TBL1X: variants seen among roughly 807,000 people sequenced by gnomAD.
TBL1X encodes the protein transducin beta like 1 X-linked.
Under a neutral mutation model 50.7 loss-of-function variants are expected in TBL1X, and 10 were observed. That is an observed-to-expected ratio of 0.20 (90% confidence interval 0.12 to 0.33). The LOEUF (loss-of-function observed/expected upper bound fraction) is 0.33, where lower values mean the gene tolerates loss of function less well. Ranked by LOEUF, TBL1X falls within the 10% of genes least tolerant of loss-of-function variation. The pLI, the probability that TBL1X is intolerant of heterozygous loss-of-function variation, is 1.00. For synonymous variants in TBL1X, 190 were observed against 214.7 expected (o/e 0.88, Z 1.01); for missense variants, 340 against 504.4 (o/e 0.67, Z 3.12).
At chrX:9,653,764 G>T in intron 4 of TBL1X, 75 bp downstream of exon 4, 2 of 934,821 alleles carry the variant, frequency 2.1e-6, no homozygotes, top group South Asian at 2.3e-5. Flanking sequence ...GGGTGTACTC[G>T]GTCACCTCTC....
intron 2 of TBL1X, among the ~76,000 whole-genome samples, chrX:9,588,683 A>G (rs2082484005): frequency 9.3e-6 from 1 of 107,851 alleles, no homozygotes; most frequent in African/African-American, 3.4e-5. Flanking sequence ...GGCTCACTGC[A>G]ACCACCGCTT....
At chrX:9,543,562 C>CA (rs950793688) in intron 2 of TBL1X, among the ~76,000 whole-genome samples, 12 of 109,951 alleles carry the variant, frequency 1.1e-4, no homozygotes, top group African/African-American at 4.0e-4. Flanking sequence ...GCAGAGCTGT[C>CA]AGAGTGTGGC....
chrX:9,486,679 C>T (rs2081915030), intron 1 of TBL1X, among the ~76,000 whole-genome samples: 1 of 106,213 alleles, frequency 9.4e-6, no homozygotes, highest in Non-Finnish European at 1.9e-5. Flanking sequence ...TATCTCATGT[C>T]TCCCTAAAAT....
intron 7 of TBL1X, among the ~76,000 whole-genome samples, chrX:9,688,896 C>T (rs191003874): frequency 2.6e-5 from 3 of 113,593 alleles, no homozygotes; most frequent in East Asian, 5.6e-4. Flanking sequence ...ACCGTGTGCG[C>T]GCATGCACTT....
At chrX:9,647,743 G>T (rs1245750088) in intron 3 of TBL1X, among the ~76,000 whole-genome samples, 1 of 111,798 alleles carries the variant, frequency 8.9e-6, no homozygotes, top group Non-Finnish European at 1.9e-5. Context: ...TCTGGTGGTA[G>T]TTCTTTTTGG....
intron 1 of TBL1X, among the ~76,000 whole-genome samples, chrX:9,498,659 A>G (rs1001339350): frequency 8.9e-6 from 1 of 112,569 alleles, no homozygotes; most frequent in African/African-American, 3.2e-5. Context: ...AAGTCTGCAG[A>G]GACCGCAGGA....
At chrX:9,595,646 C>T (rs1436764809) in intron 2 of TBL1X, among the ~76,000 whole-genome samples, 1 of 111,602 alleles carries the variant, frequency 9.0e-6, no homozygotes, top group African/African-American at 3.3e-5. Flanking sequence ...AGCTTGAATC[C>T]TTAGGGTGGA....
intron 2 of TBL1X, among the ~76,000 whole-genome samples, chrX:9,568,065 C>T (rs890189268): frequency 1.8e-5 from 2 of 112,002 alleles, no homozygotes; most frequent in East Asian, 2.8e-4. Flanking sequence ...GGATGCCCAG[C>T]GAGTTCTCTG....
intron 12 of TBL1X, among the ~76,000 whole-genome samples, chrX:9,701,432 G>T (rs945443972): frequency 1.0e-4 from 11 of 109,467 alleles, no homozygotes; most frequent in African/African-American, 3.7e-4. Flanking sequence ...TCAGAGTGGG[G>T]CTAACCACCT....
chrX:9,581,512 C>T (rs186492042), intron 2 of TBL1X, among the ~76,000 whole-genome samples: 1 of 111,602 alleles, frequency 9.0e-6, no homozygotes, highest in Non-Finnish European at 1.9e-5. Flanking sequence ...TTGACAATGT[C>T]TGGAGACATT....
intron 3 of TBL1X, chrX:9,645,524 T>C (rs1557730): frequency 0.46 from 51,011 of 110,760 alleles, 9,113 homozygotes; most frequent in African/African-American, 0.59. Context: ...CCGCATCTTA[T>C]GCCACTAGTT....
chrX:9,674,660 C>CA (rs2082980663), intron 5 of TBL1X, among the ~76,000 whole-genome samples: 1 of 83,353 alleles, frequency 1.2e-5, no homozygotes, highest in African/African-American at 4.7e-5. Flanking sequence ...CTCCTGGGCA[C>CA]AAATGATCCT....
chrX:9,607,164 A>G (rs748383672), intron 2 of TBL1X, among the ~76,000 whole-genome samples: 17 of 112,190 alleles, frequency 1.5e-4, no homozygotes, highest in Non-Finnish European at 2.8e-4. Context: ...CCCTGAAGTC[A>G]GGGCCATAAA....
intron 1 of TBL1X, among the ~76,000 whole-genome samples, chrX:9,492,884 T>TA (rs1156491912): frequency 0.26 from 11,592 of 44,903 alleles, 1,223 homozygotes; most frequent in East Asian, 0.52. Context: ...TGTGTGTGTG[T>TA]GTGTGTGTGT....
At chrX:9,517,451 G>A (rs1218810680) in intron 2 of TBL1X, among the ~76,000 whole-genome samples, 1 of 111,627 alleles carries the variant, frequency 9.0e-6, no homozygotes, top group Non-Finnish European at 1.9e-5. Context: ...CCTTTTTCAG[G>A]AATCTGCCTT....
At chrX:9,656,448 A>G (rs1334078398) in intron 5 of TBL1X, among the ~76,000 whole-genome samples, 1 of 112,803 alleles carries the variant, frequency 8.9e-6, no homozygotes, top group African/African-American at 3.2e-5. Context: ...GCCACGGAGC[A>G]TGAGCTTTGC....
At chrX:9,564,052 T>C (rs2082336524) in intron 2 of TBL1X, among the ~76,000 whole-genome samples, 1 of 112,685 alleles carries the variant, frequency 8.9e-6, no homozygotes, top group Non-Finnish European at 1.9e-5. Flanking sequence ...AGACTGAACA[T>C]AGACTTCTTT....
chrX:9,484,282 C>T (rs1237676691), intron 1 of TBL1X, among the ~76,000 whole-genome samples: 1 of 111,250 alleles, frequency 9.0e-6, no homozygotes, highest in Admixed American at 9.5e-5. Context: ...AGGATTACTA[C>T]GGGTGTGAGC....
At position 9,599,007 on chromosome X, in the gene TBL1X, G is replaced by A. The variant is rs752772890; in HGVS notation, c.-130-41266G>A. On this transcript the variant is annotated intron_variant, in intron 2 of 17. Coordinates refer to ENST00000645353, the MANE Select transcript of TBL1X (RefSeq NM_005647.4). Reference sequence around the variant, plus strand: ...CGCCCAGGCTGGAGTGCAGTGGCGCGATCCCGGCTCACTGCAACCCCCGCC... The same window carrying A: ...CGCCCAGGCTGGAGTGCAGTGGCGCAATCCCGGCTCACTGCAACCCCCGCC... Among the ~76,000 whole-genome samples the A allele has an allele frequency of 3.7e-5, 4 of 107,991 alleles. No individual in the cohort carries two copies. The East Asian group carries it at 8.7e-4, about 23-fold the overall frequency. 93.8% of individuals were successfully genotyped at this position (107,991 alleles called of 115,157 possible).
Sources: gnomAD v4.1 joint callset for allele counts (sites outside exome capture counted in the v4.1 genomes callset) on GRCh38, gnomAD v4.1.1 for gene constraint, MANE v1.5 for transcripts, NCBI Gene and HGNC (gene_info 2026-07-23, HGNC 2026-07-21) for gene names.